Variants in SLC18A1 observed in about 807,000 individuals in gnomAD.
SLC18A1 encodes the protein chromaffin granule amine transporter.
In SLC18A1, 69 loss-of-function variants were observed where a neutral mutation model predicts 53.7. The ratio of observed to expected loss-of-function variants is 1.28; its 90% CI spans 1.06 to 1.57. The LOEUF is 1.57. Among genes scored for constraint, SLC18A1 ranks in the 40% most tolerant of loss-of-function variants. The pLI, the probability that SLC18A1 is intolerant of heterozygous loss-of-function variation, is 0.00. For synonymous variants in SLC18A1, 320 were observed against 248.1 expected (o/e 1.29, Z -2.72); for missense variants, 932 against 668.1 (o/e 1.40, Z -4.35).
At chr8:20,150,615 C>A in intron 11 of SLC18A1, 51 bp downstream of exon 11, 1 of 1,469,628 alleles carries the variant, frequency 6.8e-7, no homozygotes, top group Non-Finnish European at 9.5e-7. Flanking sequence ...GGAACGGGCG[C>A]TCTTCCATCT....
chr8:20,153,980 G>A (rs913280603), intron 10 of SLC18A1, among the ~76,000 whole-genome samples: 7 of 152,170 alleles, frequency 4.6e-5, no homozygotes, highest in Non-Finnish European at 1.0e-4. Flanking sequence ...CCTCGTGAAT[G>A]GCGTGGTGCT....
At chr8:20,174,542 T>A in intron 4 of SLC18A1, 98 bp from the exon 5 acceptor site, 1 of 744,566 alleles carries the variant, frequency 1.3e-6, no homozygotes, top group South Asian at 1.5e-5. Flanking sequence ...ATATGAGTCT[T>A]GATGCATATG....
In SLC18A1 at chr8:20,147,694, G is replaced by A. The variant is rs765091496; in HGVS notation, c.1239C>T (p.Ile413=). 1 of 1,613,782 alleles carries A rather than the reference G, an allele frequency of 6.2e-7. No homozygotes were observed. The highest frequency in any genetic ancestry group is 1.1e-5 in the South Asian group (1 of 90,994). ...IGMVDSSMMP[I]MGHLVDLRHT... ...GGCGTAGATCCACCAGGTGCCCCAT[G>A]ATGGGCATCATAGAAGAATCCACCA... is the stretch of plus-strand genomic sequence containing the variant. Residue 413 remains isoleucine, a synonymous_variant, in exon 14 of 16, where the codon ATC becomes ATT. Transcript: ENST00000276373.
chr8:20,174,237 A>T (rs2072198895), intron 5 of SLC18A1, 124 bp downstream of exon 5: 1 of 764,786 alleles, frequency 1.3e-6, no homozygotes, highest in African/African-American at 1.7e-5. Context: ...CTGAATCACA[A>T]TTTCTACCTA....
intron 4 of SLC18A1, chr8:20,175,833 T>A (rs2072239089): frequency 6.6e-6 from 1 of 152,238 alleles, no homozygotes; most frequent in African/African-American, 2.4e-5. Context: ...GAACTTCTCC[T>A]TGTCTCCCAA....
In SLC18A1 at chr8:20,162,632, A is replaced by C. The variant is rs548173210; in HGVS notation, c.1015+2237T>G. 7.9e-5 allele frequency among the ~76,000 whole-genome samples: 12 copies of C among 152,308 alleles called. No homozygotes were observed. In the South Asian group the frequency reaches 2.5e-3, roughly 32 times the overall value. On this transcript the variant is annotated intron_variant, in intron 10 of 15. Transcript: ENST00000276373. ...CTAGGTTATGGATACAAGTCTGCCA[A>C]GTTTTTTGTAACTGTATAACAAGGA... is the stretch of plus-strand genomic sequence containing the variant.
In SLC18A1 at chr8:20,149,932, T is replaced by C. The variant is rs73606485; in HGVS notation, c.1095-205A>G. ...TGTCTCCCCTGGCTCCATCCCTTTT[T>C]CTATAGAAAGGCAGAGGAGGTGCCG... On this transcript the variant is annotated intron_variant, in intron 11 of 15. Coordinates refer to ENST00000276373, the MANE Select transcript of SLC18A1 (RefSeq NM_003053.4). 1.1e-4 allele frequency among the ~76,000 whole-genome samples: 17 copies of C among 152,260 alleles called. No individual in the cohort carries two copies. The East Asian group carries it at 3.1e-3, about 28-fold the overall frequency.
chr8:20,147,353 A>T lies in SLC18A1; in HGVS notation c.1369T>A (p.Phe457Ile). Reference protein sequence around the residue: ...TGGAIVKAIGFPWLMVITGVI... With the variant: ...TGGAIVKAIGIPWLMVITGVI... ...CCAGTGATGACCATGAGCCAGGGAA[A>T]ACCGATGGCCTTTACAATGGCACCA... Residue 457 changes from phenylalanine to isoleucine, a missense_variant, in exon 15 of 16, where the codon TTT (phenylalanine) becomes ATT (isoleucine). Phe to Ile is a conservative substitution (Grantham distance 21). Coordinates refer to ENST00000276373, the MANE Select transcript of SLC18A1 (RefSeq NM_003053.4). The T allele has an allele frequency of 1.2e-6, 2 of 1,613,252 alleles. No homozygotes were observed. The highest frequency in any genetic ancestry group is 1.7e-6 in the Non-Finnish European group (2 of 1,179,866).
chr8:20,162,098 C>A (rs1423561051), intron 10 of SLC18A1, among the ~76,000 whole-genome samples: 2 of 152,208 alleles, frequency 1.3e-5, no homozygotes, highest in African/African-American at 4.8e-5. Flanking sequence ...TCTGGGCCCA[C>A]TTGAGCCATG....
At chr8:20,163,458 C>G (rs1197828982) in intron 10 of SLC18A1, among the ~76,000 whole-genome samples, 1 of 152,130 alleles carries the variant, frequency 6.6e-6, no homozygotes, top group African/African-American at 2.4e-5. Context: ...CCAGGTGGAC[C>G]TGGGCTATTT....
In SLC18A1 at chr8:20,173,145, AG is replaced by A. The variant is rs772864462; in HGVS notation, c.632-18del. ...TTCCAAGACCTGCGCAGAGAGTTAC[AG>A]ATGCAGCTGGCCCCCTGGGGGGCTT... is the stretch of plus-strand genomic sequence containing the variant. On this transcript the variant is annotated intron_variant, in intron 5 of 15. Transcript: ENST00000276373. 1.5e-5 allele frequency: 23 copies of A among 1,553,424 alleles called. No individual in the cohort carries two copies. The African/African-American group carries it at 2.5e-4, about 17-fold the overall frequency.
intron 6 of SLC18A1, among the ~76,000 whole-genome samples, chr8:20,171,783 T>C (rs1407840805): frequency 1.3e-5 from 2 of 151,882 alleles, no homozygotes; most frequent in African/African-American, 2.4e-5. Flanking sequence ...AGTTTGACAG[T>C]AAAATGTTGC....
chr8:20,181,095 A>C lies in SLC18A1; in HGVS notation c.-123-8T>G. 9.2e-7 allele frequency: 1 copy of C among 1,091,274 alleles called. No individual in the cohort carries two copies. Among genetic ancestry groups the C allele is most frequent in the East Asian group, 2.7e-5 (1 of 37,084 alleles). The allele number at this position is 1,091,274 out of a possible 1,614,324, so 67.6% of individuals were successfully genotyped here. On this transcript the variant is annotated splice_region_variant and splice_polypyrimidine_tract_variant and intron_variant, in intron 1 of 15. Coordinates refer to ENST00000276373, the MANE Select transcript of SLC18A1 (RefSeq NM_003053.4). ...CCAGACGAAGGAAACTCACTATTAA[A>C]ACGAAAAGTGCAAAGGGTTGCAAGT...
intron 8 of SLC18A1, among the ~76,000 whole-genome samples, chr8:20,169,158 C>T (rs1370566559): frequency 2.0e-5 from 3 of 152,002 alleles, no homozygotes; most frequent in South Asian, 2.1e-4. Context: ...CAGAAGGCTA[C>T]GGTATCATGA....
At chr8:20,164,215 G>A (rs867054378) in intron 10 of SLC18A1, among the ~76,000 whole-genome samples, 6 of 151,998 alleles carry the variant, frequency 3.9e-5, no homozygotes, top group Non-Finnish European at 5.9e-5. Context: ...CTTTCCTCAG[G>A]GTTCCTGGGA....
In SLC18A1 at chr8:20,150,155, A is replaced by G. The variant is rs1214840178; in HGVS notation, c.1095-428T>C. ...AACTTCTTTCCTTCTCTGATGTCCT[A>G]TGGCAGTGCTTCTAAAATCTTGATG... On this transcript the variant is annotated intron_variant, in intron 11 of 15. Transcript: ENST00000276373. Among the ~76,000 whole-genome samples, 3 of 152,286 alleles carry G rather than the reference A, an allele frequency of 2.0e-5. No homozygotes were observed. The South Asian group carries it at 6.2e-4, about 32-fold the overall frequency.
intron 10 of SLC18A1, among the ~76,000 whole-genome samples, chr8:20,159,753 A>T (rs143061324): frequency 2.0e-5 from 3 of 152,170 alleles, no homozygotes; most frequent in African/African-American, 7.2e-5. Context: ...TAAACAAAAT[A>T]GTGCATATCA....
intron 15 of SLC18A1, among the ~76,000 whole-genome samples, chr8:20,146,632 G>C (rs1421438849): frequency 6.6e-6 from 1 of 152,058 alleles, no homozygotes; most frequent in South Asian, 2.1e-4. Context: ...GTGACCTGCT[G>C]ACCAACATGG....
intron 12 of SLC18A1, among the ~76,000 whole-genome samples, chr8:20,148,966 C>A (rs1395936733): frequency 1.3e-5 from 2 of 152,128 alleles, no homozygotes; most frequent in Non-Finnish European, 2.9e-5. Context: ...ATGAAGTAAC[C>A]TGCTCAAAGT....
Sources: allele counts gnomAD v4.1 joint callset (sites outside exome capture counted in the v4.1 genomes callset), GRCh38; gene constraint gnomAD v4.1.1; transcripts MANE v1.5; gene names NCBI Gene and HGNC (gene_info 2026-07-23, HGNC 2026-07-21).